The following RBFOX1 variants were observed in gnomAD, a reference collection of about 807,000 sequenced individuals.
RBFOX1 encodes RNA binding protein fox-1 homolog 1.
A neutral mutation model predicts 57.7 loss-of-function variants in RBFOX1; 8 were observed. The ratio of observed to expected loss-of-function variants is 0.14; its 90% CI spans 0.08 to 0.25. The LOEUF is 0.25. RBFOX1 is among the 10% of genes least tolerant of loss of function. RBFOX1 has a pLI of 1.00. For missense variants in RBFOX1, 611 were observed against 548.5 expected, an observed-to-expected ratio of 1.11 and a Z score of -1.14; for synonymous variants, 326 against 222.4, an observed-to-expected ratio of 1.47 and a Z score of -4.15.
intron 1 of RBFOX1, among the ~76,000 whole-genome samples, chr16:5,293,455 T>TC (rs1282376443): frequency 1.3e-5 from 2 of 152,158 alleles, no homozygotes; most frequent in Non-Finnish European, 2.9e-5. Flanking sequence ...CCATTGCTTG[T>TC]CAGTGGGTCT....
chr16:6,530,272 C>G (rs1403373713), intron 2 of RBFOX1, among the ~76,000 whole-genome samples: 2 of 152,060 alleles, frequency 1.3e-5, no homozygotes, highest in African/African-American at 2.4e-5. Flanking sequence ...AGCTCTCAAG[C>G]TCAACAGTGT....
chr16:6,471,956 C>G (rs1010664007), intron 2 of RBFOX1, among the ~76,000 whole-genome samples: 1 of 152,198 alleles, frequency 6.6e-6, no homozygotes, highest in Non-Finnish European at 1.5e-5. Flanking sequence ...CCGTCTCTGT[C>G]TGGCTCTGGG....
At chr16:7,095,410 T>C (rs1370153160) in intron 4 of RBFOX1, among the ~76,000 whole-genome samples, 1 of 152,218 alleles carries the variant, frequency 6.6e-6, no homozygotes, top group Non-Finnish European at 1.5e-5. Flanking sequence ...AGTGCTGGGA[T>C]TACAGTCATG....
intron 4 of RBFOX1, among the ~76,000 whole-genome samples, chr16:7,217,438 A>G (rs531240869): frequency 5.9e-5 from 9 of 151,830 alleles, no homozygotes; most frequent in South Asian, 2.1e-4. Context: ...CAGGAAAACT[A>G]CAGCAGGATT....
At chr16:5,967,910 C>G (rs1185857267) in intron 4 of RBFOX1, among the ~76,000 whole-genome samples, 1 of 152,084 alleles carries the variant, frequency 6.6e-6, no homozygotes, top group Non-Finnish European at 1.5e-5. Flanking sequence ...GTATCCCTAC[C>G]ATTCCTCTGT....
At chr16:5,892,752 G>T (rs947397144) in intron 4 of RBFOX1, among the ~76,000 whole-genome samples, 6 of 152,118 alleles carry the variant, frequency 3.9e-5, no homozygotes, top group African/African-American at 1.2e-4. Context: ...GGGAGAAAAT[G>T]GTGCTTTATT....
At chr16:6,660,785 C>T (rs1194493495) in intron 3 of RBFOX1, among the ~76,000 whole-genome samples, 3 of 152,148 alleles carry the variant, frequency 2.0e-5, no homozygotes, top group Non-Finnish European at 4.4e-5. Context: ...CTGGTATCCA[C>T]ACCTACAGGC....
intron 4 of RBFOX1, among the ~76,000 whole-genome samples, chr16:7,077,037 C>A (rs567962063): frequency 2.0e-5 from 3 of 152,228 alleles, no homozygotes; most frequent in Non-Finnish European, 4.4e-5. Flanking sequence ...TGGAACAGGG[C>A]CATTTAGTTA....
At chr16:7,439,945 C>CTTTTTTTTTTTTTTTT (rs1223191346) in intron 4 of RBFOX1, among the ~76,000 whole-genome samples, 1 of 113,394 alleles carries the variant, frequency 8.8e-6, no homozygotes. Flanking sequence ...CAAATCTTTT[C>CTTTTTTTTTTTTTTTT]TTTCTTTTTT....
At chr16:6,696,993 A>G (rs994185593) in intron 3 of RBFOX1, among the ~76,000 whole-genome samples, 11 of 152,318 alleles carry the variant, frequency 7.2e-5, no homozygotes, top group African/African-American at 2.2e-4. Context: ...ATCAAAAGTG[A>G]CTGCATTTAA....
chr16:6,300,396 A>C (rs1403680309), intron 1 of RBFOX1, among the ~76,000 whole-genome samples: 1 of 152,240 alleles, frequency 6.6e-6, no homozygotes, highest in Non-Finnish European at 1.5e-5. Flanking sequence ...CACAGTGTAT[A>C]CATATTTCAA....
intron 14 of RBFOX1, among the ~76,000 whole-genome samples, chr16:7,680,990 G>A (rs1485648483): frequency 3.9e-5 from 6 of 152,084 alleles, no homozygotes. Context: ...AGAGACCAGG[G>A]CTTGTTAATT....
At chr16:7,411,537 G>A (rs9923033) in intron 4 of RBFOX1, among the ~76,000 whole-genome samples, 74,317 of 151,990 alleles carry the variant, frequency 0.49, 18,337 homozygotes, top group East Asian at 0.61. Flanking sequence ...CAGTCTAATT[G>A]TAAGAAAAAC....
At chr16:6,276,838 A>G (rs1415124756) in intron 1 of RBFOX1, among the ~76,000 whole-genome samples, 1 of 149,634 alleles carries the variant, frequency 6.7e-6, no homozygotes, top group Non-Finnish European at 1.5e-5. Context: ...TTTATTAACT[A>G]TGCTCCTTCC....
At chr16:6,241,551 A>C (rs575011065) in intron 1 of RBFOX1, among the ~76,000 whole-genome samples, 1 of 152,354 alleles carries the variant, frequency 6.6e-6, no homozygotes, top group South Asian at 2.1e-4. Flanking sequence ...ATACACAGTT[A>C]GATGGTAAAG....
At chr16:7,230,805 T>G (rs542629893) in intron 4 of RBFOX1, among the ~76,000 whole-genome samples, 1 of 152,336 alleles carries the variant, frequency 6.6e-6, no homozygotes, top group African/African-American at 2.4e-5. Context: ...CCATTCTTTT[T>G]TGGTCAGTTT....
intron 4 of RBFOX1, among the ~76,000 whole-genome samples, chr16:7,460,389 A>ATGTGTGTGTGTGTGTG (rs1235047786): frequency 1.1e-5 from 1 of 87,264 alleles, no homozygotes; most frequent in African/African-American, 6.5e-5. Context: ...ATATATATAT[A>ATGTGTGTGTGTGTGTG]TGTGTGTGTG....
At chr16:5,894,092 G>A (rs902019140) in intron 4 of RBFOX1, among the ~76,000 whole-genome samples, 4 of 152,016 alleles carry the variant, frequency 2.6e-5, no homozygotes, top group Non-Finnish European at 4.4e-5. Context: ...GGGTGAGGGA[G>A]GAGGGGAGAG....
At position 7,190,306 on chromosome 16, in the gene RBFOX1, C is replaced by T. The variant is rs371828566; in HGVS notation, c.27+138208C>T. 1.3e-5 allele frequency among the ~76,000 whole-genome samples: 2 copies of T among 152,154 alleles called. 1 individual carries two copies. The highest frequency in any genetic ancestry group is 4.1e-4 in the South Asian group (2 of 4,828). On this transcript the variant is annotated intron_variant, in intron 4 of 15. Coordinates refer to ENST00000550418, the MANE Select transcript of RBFOX1 (RefSeq NM_018723.4). The stretch of plus-strand genomic sequence containing the variant: ...CGCAGGAGGCGGAGGTTGCAGTGAG[C>T]TGAGATCACACCACCGTACTCCAGC...
Sources: gnomAD v4.1 joint callset for allele counts (sites outside exome capture counted in the v4.1 genomes callset) on GRCh38, gnomAD v4.1.1 for gene constraint, MANE v1.5 for transcripts, NCBI Gene and HGNC (gene_info 2026-07-23, HGNC 2026-07-21) for gene names.